Variants in PIGN observed in about 807,000 individuals in gnomAD.
PIGN encodes the protein phosphatidylinositol glycan anchor biosynthesis class N, also known as GPI ethanolamine phosphate transferase 1.
PIGN carries 117 observed loss-of-function variants against 125.4 expected under a neutral mutation model. The observed-to-expected ratio is 0.93, with a 90% confidence interval of 0.80 to 1.09. PIGN has a LOEUF of 1.09. Ranked by LOEUF, PIGN falls within the 50% of genes least tolerant of loss-of-function variation. PIGN has a pLI of 0.00. For missense variants in PIGN, 1,075 were observed against 1,094.9 expected (o/e 0.98, Z 0.26); for synonymous variants, 392 against 377.8 (o/e 1.04, Z -0.44).
At chr18:62,115,001 C>T (rs1395088566) in intron 14 of PIGN, among the ~76,000 whole-genome samples, 3 of 152,188 alleles carry the variant, frequency 2.0e-5, no homozygotes, top group Non-Finnish European at 4.4e-5. Flanking sequence ...GTCCTGTGCT[C>T]ATGGCAGACT....
intron 1 of PIGN, among the ~76,000 whole-genome samples, chr18:62,179,704 G>A (rs747198860): frequency 3.9e-5 from 6 of 152,110 alleles, no homozygotes; most frequent in African/African-American, 7.2e-5. Context: ...CTGAGATCAC[G>A]CCACTGCACT....
chr18:62,184,181 CTTG>C (rs2037815707), intron 1 of PIGN, among the ~76,000 whole-genome samples: 1 of 152,156 alleles, frequency 6.6e-6, no homozygotes, highest in Admixed American at 6.5e-5. Flanking sequence ...TCAACCAAAA[CTTG>C]CATTCAGAAT....
rs946929591 is a variant in PIGN, at chr18:62,139,178, A to G, written c.1024-103T>C. 5.3e-6 allele frequency: 3 copies of G among 561,062 alleles called. No individual in the cohort carries two copies. The African/African-American group carries it at 5.7e-5, about 11-fold the overall frequency. The allele number at this position is 561,062 out of a possible 1,614,324, so 34.8% of individuals were successfully genotyped here. A position where few individuals can be genotyped will look rare whatever the true frequency, so the allele number is the denominator to read the frequency against. On this transcript the variant is annotated intron_variant, in intron 12 of 30. Transcript: ENST00000640252. ...AGCAATAAAGATAAGGCATATGGACAAATAAATAATTGAAATAGTTAAATG... is the reference window on the plus strand; with the variant it reads ...AGCAATAAAGATAAGGCATATGGACGAATAAATAATTGAAATAGTTAAATG...
chr18:62,101,390 T>C (rs779845687), intron 21 of PIGN, among the ~76,000 whole-genome samples: 2 of 152,240 alleles, frequency 1.3e-5, no homozygotes, highest in Admixed American at 1.3e-4. Context: ...AGTTACCTAA[T>C]ACTCAGGGGT....
Position 62,041,548 on chromosome 18 carries a change from G to A in PIGN, c.*4308C>T, listed in dbSNP as rs201112817. ...TTGTCGCCCAGAGTGGCACCATCTC[G>A]GCTCATTGCAAATTCCACCTCCCAG... On this transcript the variant is annotated 3_prime_UTR_variant, in exon 31 of 31. Coordinates refer to ENST00000640252, the MANE Select transcript of PIGN (RefSeq NM_176787.5). The A allele has an allele frequency of 1.3e-5, 2 of 151,698 alleles. No individual in the cohort carries two copies. Among genetic ancestry groups the A allele is most frequent in the East Asian group, 1.9e-4 (1 of 5,174 alleles). The allele number at this position is 151,698 out of a possible 1,614,324, so 9.4% of individuals were successfully genotyped here.
intron 4 of PIGN, among the ~76,000 whole-genome samples, chr18:62,158,173 G>A (rs977571901): frequency 6.6e-6 from 1 of 152,080 alleles, no homozygotes; most frequent in African/African-American, 2.4e-5. Context: ...ATAGTATTGT[G>A]GTTATTTAAG....
At chr18:62,166,792 C>A (rs895100996) in intron 1 of PIGN, among the ~76,000 whole-genome samples, 10 of 152,256 alleles carry the variant, frequency 6.6e-5, no homozygotes, top group Middle Eastern at 3.4e-3. Flanking sequence ...TCTCAGCAAA[C>A]TAACACAGGA....
At chr18:62,176,307 G>A (rs2037523906) in intron 1 of PIGN, among the ~76,000 whole-genome samples, 1 of 151,980 alleles carries the variant, frequency 6.6e-6, no homozygotes, top group African/African-American at 2.4e-5. Context: ...GAATGAGGGA[G>A]ATATAAAATT....
chr18:62,078,827 A>G (rs970307351), intron 28 of PIGN, among the ~76,000 whole-genome samples: 1 of 152,212 alleles, frequency 6.6e-6, no homozygotes, highest in Admixed American at 6.5e-5. Context: ...GATAATAAAT[A>G]TTACTTATCA....
At chr18:62,155,792 T>C (rs1405680355) in intron 6 of PIGN, among the ~76,000 whole-genome samples, 1 of 152,144 alleles carries the variant, frequency 6.6e-6, no homozygotes, top group Non-Finnish European at 1.5e-5. Context: ...GAAATAGGAA[T>C]GTTAGTTTGA....
intron 10 of PIGN, 111 bp downstream of exon 10, chr18:62,145,798 G>A: frequency 1.6e-6 from 1 of 627,632 alleles, no homozygotes; most frequent in East Asian, 2.9e-5. Context: ...TGGCACAAAT[G>A]TCAAAATGAG....
chr18:62,037,421 G>A (rs141401460), downstream of PIGN, among the ~76,000 whole-genome samples: 3 of 152,348 alleles, frequency 2.0e-5, no homozygotes, highest in East Asian at 5.8e-4. Context: ...CCACATGAAA[G>A]CCCCTCAGTG....
rs571195365 is a variant in PIGN, at chr18:62,085,281, A to G, written c.2371-17T>C. The G allele has an allele frequency of 1.3e-6, 2 of 1,522,408 alleles. No individual in the cohort carries two copies. The highest frequency in any genetic ancestry group is 1.2e-5 in the South Asian group (1 of 82,496). 94.3% of individuals were successfully genotyped at this position (1,522,408 alleles called of 1,614,324 possible). ...GAAGAAAACCTAAAGGGAGTCAAGG[A>G]AATGGCAAAACAACTCAGATTTCAT... On this transcript the variant is annotated splice_polypyrimidine_tract_variant and intron_variant, in intron 25 of 30. Coordinates refer to ENST00000640252, the MANE Select transcript of PIGN (RefSeq NM_176787.5).
At chr18:62,175,074 AT>A (rs1444302394) in intron 1 of PIGN, among the ~76,000 whole-genome samples, 1 of 84,972 alleles carries the variant, frequency 1.2e-5, no homozygotes, top group Admixed American at 1.5e-4. Context: ...ATAAATATAT[AT>A]ATTTAATATA....
chr18:62,157,700 A>G lies in PIGN; in HGVS notation c.330T>C (p.Ser110=), dbSNP rs772875796. The G allele has an allele frequency of 6.2e-7, 1 of 1,611,166 alleles. No individual in the cohort carries two copies. The highest frequency in any genetic ancestry group is 8.5e-7 in the Non-Finnish European group (1 of 1,178,486). The change falls in exon 5 of 31, where the codon AGT becomes AGC. Residue 110 remains serine (S), a synonymous_variant. Transcript: ENST00000640252. ...ALIAGFYEDV[S]AVAKGWKENP... ...AATAGACAATACCTTTGGCAACTGC[A>G]CTGACATCTTCATAAAACCCAGCTA...
At chr18:62,107,325 T>C (rs1283107367) in intron 17 of PIGN, 2 of 421,554 alleles carry the variant, frequency 4.7e-6, no homozygotes, top group East Asian at 9.9e-5. Context: ...CCAGGTGCAG[T>C]GGCTCAGGCC....
intron 11 of PIGN, among the ~76,000 whole-genome samples, chr18:62,140,858 G>A (rs2036109735): frequency 6.6e-6 from 1 of 152,118 alleles, no homozygotes; most frequent in African/African-American, 2.4e-5. Context: ...TATATATTAA[G>A]TAGAAAAACA....
At chr18:62,171,753 T>C (rs1043339057) in intron 1 of PIGN, among the ~76,000 whole-genome samples, 4 of 152,192 alleles carry the variant, frequency 2.6e-5, no homozygotes, top group South Asian at 2.1e-4. Context: ...TATTTTGGCC[T>C]GTTAATGTGG....
In PIGN at chr18:62,072,742, A is replaced by G. The variant is rs1485230664; in HGVS notation, c.2620-17T>C. The G allele has an allele frequency of 2.0e-6, 3 of 1,535,994 alleles. No homozygotes were observed. The highest frequency in any genetic ancestry group is 2.7e-6 in the Non-Finnish European group (3 of 1,130,774). ...GAAAAAATGCTGTAAAAAAAAAAAAAGGCTTAATGAAAAACAAAGCTATTT... is the reference window on the plus strand; with the variant it reads ...GAAAAAATGCTGTAAAAAAAAAAAAGGGCTTAATGAAAAACAAAGCTATTT... On this transcript the variant is annotated splice_polypyrimidine_tract_variant and intron_variant, in intron 29 of 30. Coordinates refer to ENST00000640252, the MANE Select transcript of PIGN (RefSeq NM_176787.5).
Sources: allele counts gnomAD v4.1 joint callset (sites outside exome capture counted in the v4.1 genomes callset), GRCh38; gene constraint gnomAD v4.1.1; transcripts MANE v1.5; gene names NCBI Gene and HGNC (gene_info 2026-07-23, HGNC 2026-07-21).